The following LARS2 variants were observed in gnomAD, a reference collection of about 807,000 sequenced individuals.
The protein encoded by LARS2 is leucine--tRNA ligase, mitochondrial.
In LARS2, 81 loss-of-function variants were observed where a neutral mutation model predicts 116.6. That is an observed-to-expected ratio of 0.69 (90% CI 0.58 to 0.84). LARS2 has a LOEUF of 0.84. LARS2 is among the 40% of genes least tolerant of loss of function. The pLI is 0.00. For synonymous variants in LARS2, 396 were observed against 407.2 expected, an observed-to-expected ratio of 0.97 and a Z score of 0.33; for missense variants, 968 against 1,114.5, an observed-to-expected ratio of 0.87 and a Z score of 1.87.
chr3:45,459,457 C>G (rs552310349), intron 8 of LARS2, among the ~76,000 whole-genome samples: 40 of 152,174 alleles, frequency 2.6e-4, no homozygotes, highest in Non-Finnish European at 4.3e-4. Flanking sequence ...CTAAGCCAGG[C>G]GCTAAAGCTT....
At chr3:45,423,399 G>T (rs1030533126) in intron 6 of LARS2, among the ~76,000 whole-genome samples, 1 of 152,016 alleles carries the variant, frequency 6.6e-6, no homozygotes, top group Non-Finnish European at 1.5e-5. Context: ...TGTAACCTCT[G>T]CCTCCCAGGT....
chr3:45,426,148 T>G (rs1290449942), intron 6 of LARS2, among the ~76,000 whole-genome samples: 1 of 152,234 alleles, frequency 6.6e-6, no homozygotes, highest in East Asian at 1.9e-4. Context: ...GACACCTTAT[T>G]TTCATAGAGA....
At chr3:45,454,185 T>A (rs924134642) in intron 7 of LARS2, among the ~76,000 whole-genome samples, 1 of 152,148 alleles carries the variant, frequency 6.6e-6, no homozygotes, top group East Asian at 1.9e-4. Context: ...AGGAGAATAC[T>A]GCCCACATGA....
At chr3:45,406,337 G>T (rs1208686256) in intron 4 of LARS2, among the ~76,000 whole-genome samples, 1 of 152,170 alleles carries the variant, frequency 6.6e-6, no homozygotes, top group African/African-American at 2.4e-5. Flanking sequence ...CCTGCGTGAG[G>T]CTCAGGAATT....
chr3:45,411,121 A>G (rs1209990464), intron 4 of LARS2, among the ~76,000 whole-genome samples: 1 of 152,228 alleles, frequency 6.6e-6, no homozygotes, highest in Non-Finnish European at 1.5e-5. Flanking sequence ...CAACAAATGA[A>G]TAACATACAC....
chr3:45,517,837 T>C, intron 17 of LARS2, 66 bp from the exon 18 acceptor site: 1 of 1,327,718 alleles, frequency 7.5e-7, no homozygotes, highest in Non-Finnish European at 1.1e-6. Flanking sequence ...CTCTGCTTAG[T>C]TATACCAAGT....
chr3:45,495,007 G>A (rs1699986599), intron 13 of LARS2, among the ~76,000 whole-genome samples: 1 of 152,216 alleles, frequency 6.6e-6, no homozygotes. Context: ...GGCAGAGGTT[G>A]CAGTGAGCTG....
At chr3:45,439,623 T>TG (rs1418738173) in intron 6 of LARS2, among the ~76,000 whole-genome samples, 1 of 106,836 alleles carries the variant, frequency 9.4e-6, no homozygotes, top group Non-Finnish European at 2.2e-5. Flanking sequence ...TATTTCTAAC[T>TG]GTTTTTTTTT....
chr3:45,397,028 A>G (rs994539765), intron 3 of LARS2, among the ~76,000 whole-genome samples: 1 of 152,240 alleles, frequency 6.6e-6, no homozygotes, highest in Non-Finnish European at 1.5e-5. Flanking sequence ...CTCTAGGCTC[A>G]GCCACAGCTT....
At chr3:45,546,764 A>G (rs974663371) in intron 21 of LARS2, among the ~76,000 whole-genome samples, 3 of 152,208 alleles carry the variant, frequency 2.0e-5, no homozygotes, top group African/African-American at 7.2e-5. Context: ...GTACTGACCC[A>G]TGTTAAGCGA....
At chr3:45,474,975 A>G (rs200009027) in intron 9 of LARS2, among the ~76,000 whole-genome samples, 5 of 152,250 alleles carry the variant, frequency 3.3e-5, no homozygotes, top group African/African-American at 1.2e-4. Context: ...AGGTCACAAC[A>G]TAAGGCCCAC....
rs1332101045 is a variant in LARS2, at chr3:45,520,210, T to C, written c.2215-9T>C. On this transcript the variant is annotated splice_polypyrimidine_tract_variant and intron_variant, in intron 18 of 21. Transcript: ENST00000645846. ...TGAAATAAGTAAATAATTGAACCTT[T>C]ACTAATAGGTGACCACCCATTTCAC... 6.3e-7 allele frequency: 1 copy of C among 1,590,986 alleles called. No homozygotes were observed. The highest frequency in any genetic ancestry group is 8.6e-7 in the Non-Finnish European group (1 of 1,159,108).
intron 15 of LARS2, among the ~76,000 whole-genome samples, chr3:45,509,774 G>A (rs1328252171): frequency 6.6e-6 from 1 of 151,972 alleles, no homozygotes; most frequent in African/African-American, 2.4e-5. Flanking sequence ...GAATGAGCAG[G>A]ATTCTAGGAG....
intron 2 of LARS2, among the ~76,000 whole-genome samples, chr3:45,392,102 A>G (rs1320465884): frequency 6.6e-6 from 1 of 152,192 alleles, no homozygotes; most frequent in Non-Finnish European, 1.5e-5. Flanking sequence ...TGACTTCTAT[A>G]TAATTAGGGA....
At chr3:45,489,574 C>A (rs972082392) in intron 12 of LARS2, among the ~76,000 whole-genome samples, 1 of 152,098 alleles carries the variant, frequency 6.6e-6, no homozygotes, top group South Asian at 2.1e-4. Context: ...GGCTTAGAAC[C>A]TTGCCACTTA....
In LARS2 at chr3:45,491,628, C is replaced by T. The variant is rs188252907; in HGVS notation, c.1351C>T (p.Arg451Trp). The change falls in exon 13 of 22, where the codon CGG becomes TGG. Residue 451 changes from arginine to tryptophan, a missense_variant. Transcript: ENST00000645846. ...SDKLKDWLIS[R>W]QRYWGTPIPI... The stretch of plus-strand genomic sequence containing the variant: ...TAAACTGAAAGACTGGCTGATTTCA[C>T]GGCAGCGGTACTGGGGCACACCAAT... 5.9e-5 allele frequency: 95 copies of T among 1,614,222 alleles called. No homozygotes were observed. Among genetic ancestry groups the T allele is most frequent in the South Asian group, 8.8e-5 (8 of 91,078 alleles).
chr3:45,480,401 T>C (rs1192725575), intron 10 of LARS2, among the ~76,000 whole-genome samples: 1 of 152,260 alleles, frequency 6.6e-6, no homozygotes, highest in Non-Finnish European at 1.5e-5. Flanking sequence ...GTCATTTGTC[T>C]GTTTTTCCAG....
chr3:45,479,476 G>A (rs1699663343), intron 10 of LARS2, among the ~76,000 whole-genome samples: 1 of 152,166 alleles, frequency 6.6e-6, no homozygotes, highest in Admixed American at 6.5e-5. Context: ...AAGGCTGCGA[G>A]GGTGGAGGAT....
At chr3:45,429,764 C>G (rs558221071) in intron 6 of LARS2, among the ~76,000 whole-genome samples, 1 of 129,550 alleles carries the variant, frequency 7.7e-6, no homozygotes, top group Non-Finnish European at 1.5e-5. Context: ...TGCAGTGTTG[C>G]GATCTCAGCT....
Sources: allele counts gnomAD v4.1 joint callset (sites outside exome capture counted in the v4.1 genomes callset), GRCh38; gene constraint gnomAD v4.1.1; transcripts MANE v1.5; gene names NCBI Gene and HGNC (gene_info 2026-07-23, HGNC 2026-07-21).